Variants in RASAL2 observed in about 807,000 individuals in gnomAD.
The protein encoded by RASAL2 is RAS protein activator like 2.
A neutral mutation model predicts 128.9 loss-of-function variants in RASAL2; 58 were observed. The ratio of observed to expected loss-of-function variants is 0.45; its 90% CI spans 0.36 to 0.56. RASAL2 has a LOEUF of 0.56. Among genes scored for constraint, RASAL2 ranks in the 20% least tolerant of loss-of-function variants. RASAL2 has a pLI of 0.00. For missense variants in RASAL2, 1,360 were observed against 1,601.6 expected (o/e 0.85, Z 2.57); for synonymous variants, 561 against 580.8 (o/e 0.97, Z 0.49).
intron 3 of RASAL2, among the ~76,000 whole-genome samples, chr1:178,320,427 G>C (rs367938970): frequency 0.023 from 3,544 of 152,288 alleles, 66 homozygotes; most frequent in Middle Eastern, 0.058. Flanking sequence ...TCAGACTGCT[G>C]TGCTAGCAAT....
At chr1:178,302,559 G>A (rs1172879020) in intron 3 of RASAL2, among the ~76,000 whole-genome samples, 3 of 152,252 alleles carry the variant, frequency 2.0e-5, no homozygotes, top group African/African-American at 4.8e-5. Flanking sequence ...TTAATACAAT[G>A]TCAGTTCTCT....
intron 1 of RASAL2, among the ~76,000 whole-genome samples, chr1:178,180,663 T>TCACACACACACA (rs3979280): frequency 0.15 from 20,670 of 138,992 alleles, 1,720 homozygotes; most frequent in African/African-American, 0.19. Flanking sequence ...CGAGACTGTC[T>TCACACACACACA]CACACACACA....
chr1:178,267,341 T>C (rs1017596896), intron 1 of RASAL2, among the ~76,000 whole-genome samples: 2 of 152,198 alleles, frequency 1.3e-5, no homozygotes, highest in Non-Finnish European at 2.9e-5. Flanking sequence ...GATGAGGATT[T>C]AGCTATCACA....
chr1:178,229,382 C>G (rs1266208138), intron 1 of RASAL2, among the ~76,000 whole-genome samples: 3 of 152,170 alleles, frequency 2.0e-5, no homozygotes, highest in Non-Finnish European at 4.4e-5. Flanking sequence ...TTTAAATTGT[C>G]TGTCATTAGT....
At chr1:178,452,817 G>A (rs1677478684) in intron 11 of RASAL2, among the ~76,000 whole-genome samples, 165 bp downstream of exon 11, 1 of 152,126 alleles carries the variant, frequency 6.6e-6, no homozygotes, top group South Asian at 2.1e-4. Flanking sequence ...CTTCATAGAG[G>A]AATGGTTAAG....
At chr1:178,133,303 A>G (rs1313496694) in intron 1 of RASAL2, among the ~76,000 whole-genome samples, 1 of 152,196 alleles carries the variant, frequency 6.6e-6, no homozygotes, top group Non-Finnish European at 1.5e-5. Context: ...TTATCATGGC[A>G]TGAAACAAAA....
intron 1 of RASAL2, among the ~76,000 whole-genome samples, chr1:178,099,285 A>T (rs1378255640): frequency 6.6e-6 from 1 of 152,194 alleles, no homozygotes; most frequent in Non-Finnish European, 1.5e-5. Flanking sequence ...AATACTTAGG[A>T]TGTGGCATAG....
chr1:178,327,406 C>A (rs1487604567), intron 3 of RASAL2, among the ~76,000 whole-genome samples: 1 of 152,072 alleles, frequency 6.6e-6, no homozygotes, highest in African/African-American at 2.4e-5. Flanking sequence ...AGTGCAGTGG[C>A]ATGATCTTGG....
At chr1:178,378,820 A>G (rs1672126780) in intron 3 of RASAL2, among the ~76,000 whole-genome samples, 1 of 152,162 alleles carries the variant, frequency 6.6e-6, no homozygotes, top group South Asian at 2.1e-4. Flanking sequence ...TGAAAAGGGC[A>G]AAAGCTACAA....
intron 1 of RASAL2, among the ~76,000 whole-genome samples, chr1:178,140,308 T>G (rs1296251374): frequency 6.6e-6 from 1 of 152,242 alleles, no homozygotes; most frequent in East Asian, 1.9e-4. Flanking sequence ...TTGGTACATT[T>G]GTTGCAGTTG....
At chr1:178,339,934 G>A (rs769801501) in intron 3 of RASAL2, among the ~76,000 whole-genome samples, 6 of 152,030 alleles carry the variant, frequency 3.9e-5, no homozygotes, top group Admixed American at 1.3e-4. Flanking sequence ...GATCTCTTCC[G>A]GTTCTGGGAT....
chr1:178,405,408 A>G (rs929862987), intron 4 of RASAL2, among the ~76,000 whole-genome samples: 2 of 152,240 alleles, frequency 1.3e-5, no homozygotes, highest in African/African-American at 2.4e-5. Flanking sequence ...TGAATATGCT[A>G]TCTTATGTGG....
chr1:178,457,746 A>G lies in RASAL2; in HGVS notation c.2454A>G (p.Thr818=), dbSNP rs201426933. ...DNTDSYFRGK[T]LLLVQQASSQ... The stretch of plus-strand genomic sequence containing the variant: ...CAGACAGCTACTTCAGAGGGAAAAC[A>G]TTATTGCTGGTTCAGCAAGCCTCCT... The change falls in exon 14 of 18, where the codon ACA becomes ACG. Residue 818 remains threonine, a synonymous_variant. Coordinates refer to ENST00000367649, the MANE Select transcript of RASAL2 (RefSeq NM_170692.4). 5.0e-6 allele frequency: 8 copies of G among 1,614,054 alleles called. No individual in the cohort carries two copies. Among genetic ancestry groups the G allele is most frequent in the South Asian group, 1.1e-5 (1 of 91,070 alleles).
chr1:178,355,824 G>T (rs1670773373), intron 3 of RASAL2, among the ~76,000 whole-genome samples: 1 of 152,128 alleles, frequency 6.6e-6, no homozygotes, highest in African/African-American at 2.4e-5. Context: ...TAACCAAATG[G>T]CTGTATACAT....
intron 3 of RASAL2, among the ~76,000 whole-genome samples, chr1:178,375,171 T>C (rs1671920369): frequency 2.0e-5 from 3 of 152,232 alleles, no homozygotes; most frequent in Non-Finnish European, 1.5e-5. Flanking sequence ...AGATTTTTTA[T>C]GGAAATGGTA....
chr1:178,407,890 C>G (rs932080993), intron 4 of RASAL2, among the ~76,000 whole-genome samples: 1 of 152,164 alleles, frequency 6.6e-6, no homozygotes, highest in Non-Finnish European at 1.5e-5. Context: ...ATTTCAGTTA[C>G]CACTCATTCA....
At chr1:178,214,299 GAATA>G (rs894123134) in intron 1 of RASAL2, among the ~76,000 whole-genome samples, 3 of 151,866 alleles carry the variant, frequency 2.0e-5, no homozygotes, top group African/African-American at 7.3e-5. Flanking sequence ...ATGAATGGAT[GAATA>G]AATAAATAAA....
At chr1:178,416,517 A>G (rs1254293400) in intron 4 of RASAL2, among the ~76,000 whole-genome samples, 1 of 152,106 alleles carries the variant, frequency 6.6e-6, no homozygotes, top group East Asian at 1.9e-4. Context: ...AAGAAGAAAA[A>G]TAAAAGGTGG....
At chr1:178,407,461 G>A (rs1572018462) in intron 4 of RASAL2, among the ~76,000 whole-genome samples, 1 of 152,046 alleles carries the variant, frequency 6.6e-6, no homozygotes, top group Non-Finnish European at 1.5e-5. Flanking sequence ...TACAATCCAT[G>A]ATAAAACAAA....
Sources: allele counts gnomAD v4.1 joint callset (sites outside exome capture counted in the v4.1 genomes callset), GRCh38; gene constraint gnomAD v4.1.1; transcripts MANE v1.5; gene names NCBI Gene and HGNC (gene_info 2026-07-23, HGNC 2026-07-21).